ZCCHC17: variants seen among roughly 807,000 people sequenced by gnomAD.
ZCCHC17 encodes the protein zinc finger CCHC domain-containing protein 17.
A neutral mutation model predicts 30.6 loss-of-function variants in ZCCHC17; 18 were observed. That is an observed-to-expected ratio of 0.59 (90% CI 0.41 to 0.87). The LOEUF (loss-of-function observed/expected upper bound fraction) is 0.87. Among genes scored for constraint, ZCCHC17 ranks in the 40% least tolerant of loss-of-function variants. The pLI is 0.00. For synonymous variants in ZCCHC17, 88 were observed against 92.4 expected (o/e 0.95, Z 0.27); for missense variants, 263 against 284.2 (o/e 0.93, Z 0.54).
intron 5 of ZCCHC17, among the ~76,000 whole-genome samples, chr1:31,341,064 A>G (rs903487653): frequency 6.6e-6 from 1 of 152,196 alleles, no homozygotes; most frequent in Non-Finnish European, 1.5e-5. Context: ...ACCTGTGGTT[A>G]CATAGAAAAT....
chr1:31,337,024 C>A, intron 3 of ZCCHC17, 151 bp from the exon 4 acceptor site: 1 of 602,548 alleles, frequency 1.7e-6, no homozygotes, highest in Non-Finnish European at 2.9e-6. Flanking sequence ...GTATAAAAAG[C>A]AGTCTCAATT....
At chr1:31,326,120 A>G (rs940631094) in intron 3 of ZCCHC17, among the ~76,000 whole-genome samples, 43 of 152,306 alleles carry the variant, frequency 2.8e-4, no homozygotes, top group African/African-American at 9.9e-4. Context: ...TATGCCTTTA[A>G]TATCTTTTTT....
chr1:31,348,194 A>G (rs1432382621), intron 6 of ZCCHC17, among the ~76,000 whole-genome samples: 5 of 152,232 alleles, frequency 3.3e-5, no homozygotes, highest in African/African-American at 1.2e-4. Flanking sequence ...GGGAGGCATG[A>G]GACCCAGGAT....
intron 3 of ZCCHC17, among the ~76,000 whole-genome samples, chr1:31,320,837 C>T (rs551257221): frequency 6.6e-6 from 1 of 152,232 alleles, no homozygotes; most frequent in Admixed American, 6.5e-5. Context: ...ACTCCATGTT[C>T]AACTTTTTGA....
At chr1:31,298,392 T>TG (rs1044776858) in intron 1 of ZCCHC17, among the ~76,000 whole-genome samples, 4 of 151,866 alleles carry the variant, frequency 2.6e-5, no homozygotes, top group African/African-American at 9.7e-5. Context: ...TTTTTGTTTT[T>TG]TTTTTTTTTT....
intron 7 of ZCCHC17, among the ~76,000 whole-genome samples, chr1:31,359,719 G>A (rs1639794247): frequency 6.6e-6 from 1 of 152,202 alleles, no homozygotes; most frequent in East Asian, 1.9e-4. Flanking sequence ...CTAGAGAGCA[G>A]TCTTTGAGAT....
At chr1:31,322,261 A>C (rs1646878104) in intron 3 of ZCCHC17, among the ~76,000 whole-genome samples, 1 of 152,044 alleles carries the variant, frequency 6.6e-6, no homozygotes, top group Non-Finnish European at 1.5e-5. Flanking sequence ...GATTCCACAA[A>C]CTTAAGGGCT....
At chr1:31,339,362 G>A (rs1569869271) in intron 5 of ZCCHC17, among the ~76,000 whole-genome samples, 2 of 152,272 alleles carry the variant, frequency 1.3e-5, no homozygotes, top group East Asian at 1.9e-4. Flanking sequence ...AAATTTGCTG[G>A]ATGTGGTAGT....
intron 6 of ZCCHC17, among the ~76,000 whole-genome samples, chr1:31,348,191 A>T (rs1639344071): frequency 6.6e-6 from 1 of 152,226 alleles, no homozygotes; most frequent in Non-Finnish European, 1.5e-5. Flanking sequence ...GCAGGGAGGC[A>T]TGAGACCCAG....
At chr1:31,328,309 T>A (rs928945532) in intron 3 of ZCCHC17, among the ~76,000 whole-genome samples, 1 of 151,914 alleles carries the variant, frequency 6.6e-6, no homozygotes, top group Non-Finnish European at 1.5e-5. Flanking sequence ...GCTCAGGAGT[T>A]TGAGACCAGC....
chr1:31,311,182 C>T (rs1646592509), intron 2 of ZCCHC17, among the ~76,000 whole-genome samples: 2 of 152,208 alleles, frequency 1.3e-5, no homozygotes, highest in Admixed American at 6.5e-5. Context: ...ACTTCAGCCT[C>T]CCAGAGTCCT....
At chr1:31,310,476 G>A (rs1459851160) in intron 2 of ZCCHC17, among the ~76,000 whole-genome samples, 1 of 152,232 alleles carries the variant, frequency 6.6e-6, no homozygotes, top group East Asian at 1.9e-4. Context: ...GTGCATCAAC[G>A]TTGGGAGGTA....
chr1:31,340,141 G>A (rs1166577805), intron 5 of ZCCHC17, among the ~76,000 whole-genome samples: 1 of 151,048 alleles, frequency 6.6e-6, no homozygotes, highest in East Asian at 1.9e-4. Flanking sequence ...TAGAGACAGG[G>A]TCTCCCTATG....
rs969426039 is a variant in ZCCHC17, at chr1:31,330,420, T to C, written c.125-6755T>C. Among the ~76,000 whole-genome samples, 15 of 152,226 alleles carry C rather than the reference T, an allele frequency of 9.9e-5. 1 individual carries two copies. Among genetic ancestry groups the C allele is most frequent in the African/African-American group, 3.4e-4 (14 of 41,452 alleles). The stretch of plus-strand genomic sequence containing the variant: ...GATATGCCTCTTGGGCATTTATTTA[T>C]GGCTTGATGTCAGAAATCCATGCAC... On this transcript the variant is annotated intron_variant, in intron 3 of 7. Coordinates refer to ENST00000344147, the MANE Select transcript of ZCCHC17 (RefSeq NM_016505.4).
Position 31,364,337 on chromosome 1 carries a change from C to A in ZCCHC17, c.*144C>A. On this transcript the variant is annotated 3_prime_UTR_variant, in exon 8 of 8. Transcript: ENST00000344147. ...TGGGAGATGGCTTCCCCTCATGCAA[C>A]AGGCAGGTTTGGGAGTTAGAGGTCA... 1 of 1,402,142 alleles carries A rather than the reference C, an allele frequency of 7.1e-7. No individual in the cohort carries two copies. The highest frequency in any genetic ancestry group is 9.4e-7 in the Non-Finnish European group (1 of 1,062,522). The allele number at this position is 1,402,142 out of a possible 1,614,324, so 86.9% of individuals were successfully genotyped here.
Position 31,364,067 on chromosome 1 carries a change from ATCTGAC to A in ZCCHC17, c.607_612del (p.Asp204_Ser205del). The A allele has an allele frequency of 6.2e-7, 1 of 1,613,816 alleles. No individual in the cohort carries two copies. Among genetic ancestry groups the A allele is most frequent in the African/African-American group, 1.3e-5 (1 of 75,032 alleles). On this transcript the variant is annotated inframe_deletion, in exon 8 of 8. Coordinates refer to ENST00000344147, the MANE Select transcript of ZCCHC17 (RefSeq NM_016505.4). Reference sequence around the variant, plus strand: ...AAAAGAAACATAGAGATAGGAAGTCATCTGACTCTGACAGCTCAGACTCTGAGAGTG... The same window carrying A: ...AAAAGAAACATAGAGATAGGAAGTCATCTGACAGCTCAGACTCTGAGAGTG...
intron 1 of ZCCHC17, among the ~76,000 whole-genome samples, chr1:31,300,969 G>T (rs1344715543): frequency 6.6e-6 from 1 of 151,898 alleles, no homozygotes; most frequent in Non-Finnish European, 1.5e-5. Context: ...TGGTTTAGTG[G>T]CAAGTGTGTG....
chr1:31,337,138 C>T (rs1638851532), intron 3 of ZCCHC17, 37 bp from the exon 4 acceptor site: 1 of 1,570,408 alleles, frequency 6.4e-7, no homozygotes, highest in Non-Finnish European at 8.8e-7. Context: ...ACCAGATATG[C>T]CCTCTGCTTT....
intron 1 of ZCCHC17, among the ~76,000 whole-genome samples, chr1:31,304,125 T>G (rs1427528464): frequency 5.3e-5 from 8 of 152,334 alleles, no homozygotes; most frequent in Middle Eastern, 3.4e-3. Context: ...GTTTAAAACA[T>G]GCAAGCAAAA....
Sources: gnomAD v4.1 joint callset for allele counts (sites outside exome capture counted in the v4.1 genomes callset) on GRCh38, gnomAD v4.1.1 for gene constraint, MANE v1.5 for transcripts, NCBI Gene and HGNC (gene_info 2026-07-23, HGNC 2026-07-21) for gene names.